The following ARHGEF37 variants were observed in gnomAD, a reference collection of about 807,000 sequenced individuals.
The protein encoded by ARHGEF37 is Rho guanine nucleotide exchange factor 37.
Under a neutral mutation model 71.1 loss-of-function variants are expected in ARHGEF37, and 55 were observed. That is an observed-to-expected ratio of 0.77 (90% confidence interval 0.62 to 0.97). The LOEUF is 0.97. ARHGEF37 is among the 50% of genes least tolerant of loss of function. ARHGEF37 has a pLI of 0.00. For synonymous variants in ARHGEF37, 327 were observed against 350.6 expected (o/e 0.93, Z 0.75); for missense variants, 765 against 836.8 (o/e 0.91, Z 1.06).
At chr5:149,558,106 A>G (rs1762777854) in intron 1 of ARHGEF37, among the ~76,000 whole-genome samples, 1 of 152,140 alleles carries the variant, frequency 6.6e-6, no homozygotes, top group South Asian at 2.1e-4. Flanking sequence ...TCCTGACCTC[A>G]GGTGATCCAC....
rs200382749 is a variant in ARHGEF37 at position 149,624,062 on chromosome 5, C to A, written c.1386C>A (p.Asp462Glu). The A allele has an allele frequency of 6.2e-7, 1 of 1,610,044 alleles. No homozygotes were observed. Among genetic ancestry groups the A allele is most frequent in the South Asian group, 1.1e-5 (1 of 90,916 alleles). ...CTGCCTTCAGGAAGCTGGTGGAGGACGCACTGGGCCGGACGAGTAACCAGC... is the reference window on the plus strand; with the variant it reads ...CTGCCTTCAGGAAGCTGGTGGAGGAAGCACTGGGCCGGACGAGTAACCAGC... ...PEPAFRKLVEDALGRTSNQLR... is the reference protein window; with the variant it reads ...PEPAFRKLVEEALGRTSNQLR... The change falls in exon 10 of 13, where the codon GAC becomes GAA. Residue 462 changes from aspartate (D) to glutamate (E), a missense_variant. Asp to Glu is a conservative substitution (Grantham distance 45). Around this residue, in one of 5 missense-constraint regions of ARHGEF37, gnomAD observed 390 missense variants for 407.4 expected, o/e 0.96. Coordinates refer to ENST00000333677, the MANE Select transcript of ARHGEF37 (RefSeq NM_001001669.3).
At chr5:149,598,086 C>T (rs1763604739) in intron 2 of ARHGEF37, 131 bp downstream of exon 2, 1 of 1,117,606 alleles carries the variant, frequency 8.9e-7, no homozygotes, top group Non-Finnish European at 1.3e-6. Context: ...GTCTGACAGA[C>T]CTGGATGTAA....
chr5:149,562,374 A>C (rs921664614), intron 1 of ARHGEF37, among the ~76,000 whole-genome samples: 7 of 152,202 alleles, frequency 4.6e-5, no homozygotes, highest in African/African-American at 1.7e-4. Flanking sequence ...AACTGCAGCT[A>C]TTGTATCCAT....
intron 1 of ARHGEF37, among the ~76,000 whole-genome samples, chr5:149,590,396 C>T (rs1466242869): frequency 6.6e-6 from 1 of 150,776 alleles, no homozygotes; most frequent in Non-Finnish European, 1.5e-5. Flanking sequence ...ATTCACCTAC[C>T]TCAGCCTCCT....
chr5:149,618,797 C>A, intron 6 of ARHGEF37, 141 bp from the exon 7 acceptor site: 1 of 707,334 alleles, frequency 1.4e-6, no homozygotes, highest in Non-Finnish European at 2.6e-6. Context: ...GCTACACCAC[C>A]CTCTCAGCTT....
intron 4 of ARHGEF37, among the ~76,000 whole-genome samples, chr5:149,613,508 G>A (rs188538713): frequency 1.6e-4 from 25 of 152,012 alleles, no homozygotes; most frequent in Admixed American, 1.1e-3. Context: ...CACCACGCCC[G>A]GCTAATTTTT....
chr5:149,632,121 G>C lies in ARHGEF37; in HGVS notation c.1958G>C (p.Gly653Ala). 3 of 1,614,274 alleles carry C rather than the reference G, an allele frequency of 1.9e-6. No individual in the cohort carries two copies. The highest frequency in any genetic ancestry group is 8.5e-7 in the Non-Finnish European group (1 of 1,180,058). Residue 653 changes from glycine (G) to alanine (A), a missense_variant, in exon 13 of 13, where the codon GGT becomes GCT. Around this residue, in one of 5 missense-constraint regions of ARHGEF37, gnomAD observed 390 missense variants for 407.4 expected, o/e 0.96. Transcript: ENST00000333677. Reference sequence around the variant, plus strand: ...CTGGTGGAAGTGAATGGACAGAGGGGTTATGTGCCTTCTGGCTTCTTGGCC... The same window carrying C: ...CTGGTGGAAGTGAATGGACAGAGGGCTTATGTGCCTTCTGGCTTCTTGGCC... Reference protein sequence around the residue: ...WSLVEVNGQRGYVPSGFLARA... With the variant: ...WSLVEVNGQRAYVPSGFLARA...
Position 149,598,802 on chromosome 5 carries a change from A to G in ARHGEF37, c.186+847A>G, listed in dbSNP as rs1763667087. Among the ~76,000 whole-genome samples the G allele has an allele frequency of 2.8e-5, 4 of 143,110 alleles. No individual in the cohort carries two copies. In the South Asian group the frequency reaches 8.8e-4, roughly 31 times the overall value. 93.9% of individuals were successfully genotyped at this position (143,110 alleles called of 152,430 possible). On this transcript the variant is annotated intron_variant, in intron 2 of 12. Coordinates refer to ENST00000333677, the MANE Select transcript of ARHGEF37 (RefSeq NM_001001669.3). ...GATATATAGATATAGATATATAGATATATATATGTGTGTGTGTGTGTATAT... is the reference window on the plus strand; with the variant it reads ...GATATATAGATATAGATATATAGATGTATATATGTGTGTGTGTGTGTATAT...
At chr5:149,585,554 G>C (rs1349810671) in intron 1 of ARHGEF37, among the ~76,000 whole-genome samples, 1 of 152,204 alleles carries the variant, frequency 6.6e-6, no homozygotes, top group African/African-American at 2.4e-5. Context: ...TTCTTGCTCT[G>C]TTGCCCAGGC....
At chr5:149,622,345 G>A (rs1752572138) in intron 9 of ARHGEF37, among the ~76,000 whole-genome samples, 1 of 152,244 alleles carries the variant, frequency 6.6e-6, no homozygotes, top group African/African-American at 2.4e-5. Context: ...TACAATGGCA[G>A]ATCTTGGGAC....
Position 149,597,905 on chromosome 5 carries a change from T to A in ARHGEF37, c.136T>A (p.Leu46Met). 6.2e-7 allele frequency: 1 copy of A among 1,608,056 alleles called. No individual in the cohort carries two copies. Among genetic ancestry groups the A allele is most frequent in the South Asian group, 1.1e-5 (1 of 89,748 alleles). ...RELIDTEVSY[L>M]HMLQLCASDI... ...GCTCATCGACACTGAGGTCTCCTAC[T>A]TGCACATGCTCCAGCTCTGTGCCTC... The change falls in exon 2 of 13, where the codon TTG becomes ATG. Residue 46 changes from leucine (L) to methionine (M), a missense_variant. By Grantham distance (15) the Leu-to-Met change is conservative (BLOSUM62 2). Coordinates refer to ENST00000333677, the MANE Select transcript of ARHGEF37 (RefSeq NM_001001669.3).
intron 1 of ARHGEF37, among the ~76,000 whole-genome samples, chr5:149,557,143 C>T (rs1762766452): frequency 6.6e-6 from 1 of 152,150 alleles, no homozygotes; most frequent in Non-Finnish European, 1.5e-5. Context: ...CTGACAAATA[C>T]AGTATTTAAG....
At chr5:149,567,089 T>C (rs1050777699) in intron 1 of ARHGEF37, among the ~76,000 whole-genome samples, 2 of 152,230 alleles carry the variant, frequency 1.3e-5, no homozygotes, top group African/African-American at 4.8e-5. Context: ...GATCAAACAT[T>C]GTATTATTTC....
intron 1 of ARHGEF37, among the ~76,000 whole-genome samples, chr5:149,596,869 A>G (rs1763562109): frequency 1.3e-5 from 2 of 152,170 alleles, no homozygotes; most frequent in African/African-American, 4.8e-5. Flanking sequence ...CAGTCTGTGA[A>G]GGGGAAATGA....
In ARHGEF37 at chr5:149,633,918, T is replaced by C. The variant is rs912882637; in HGVS notation, c.*1727T>C. Reference sequence around the variant, plus strand: ...ATTCACTTGAGAGGATGCTCTTGACTCATTCTCTCTGCTCTTTCCTGCTCA... The same window carrying C: ...ATTCACTTGAGAGGATGCTCTTGACCCATTCTCTCTGCTCTTTCCTGCTCA... On this transcript the variant is annotated 3_prime_UTR_variant, in exon 13 of 13. Coordinates refer to ENST00000333677, the MANE Select transcript of ARHGEF37 (RefSeq NM_001001669.3). 1.3e-5 allele frequency: 2 copies of C among 152,236 alleles called. No individual in the cohort carries two copies. The highest frequency in any genetic ancestry group is 2.9e-5 in the Non-Finnish European group (2 of 68,042). The allele number at this position is 152,236 out of a possible 1,614,324, so 9.4% of individuals were successfully genotyped here.
chr5:149,555,800 C>T (rs1280884492), intron 1 of ARHGEF37, among the ~76,000 whole-genome samples: 2 of 151,854 alleles, frequency 1.3e-5, no homozygotes, highest in East Asian at 1.9e-4. Context: ...CTTCTGTGTT[C>T]GTAGGGAATT....
intron 1 of ARHGEF37, among the ~76,000 whole-genome samples, chr5:149,597,309 G>T (rs1332203813): frequency 1.3e-5 from 2 of 152,110 alleles, no homozygotes; most frequent in African/African-American, 2.4e-5. Flanking sequence ...CCAGGCTGGA[G>T]TGCAGTGGTG....
At chr5:149,604,965 G>A (rs1763876639) in intron 3 of ARHGEF37, among the ~76,000 whole-genome samples, 2 of 151,868 alleles carry the variant, frequency 1.3e-5, no homozygotes, top group East Asian at 2.0e-4. Context: ...GGTGGCTCAC[G>A]CCTGTAATCC....
In ARHGEF37 at chr5:149,633,476, G is replaced by A. The variant is rs943791740; in HGVS notation, c.*1285G>A. On this transcript the variant is annotated 3_prime_UTR_variant, in exon 13 of 13. Coordinates refer to ENST00000333677, the MANE Select transcript of ARHGEF37 (RefSeq NM_001001669.3). ...ACCCCATTCTAGAACCTGGAAATTG[G>A]AGCCCCTCAAAAACAGTTCCTGTTC... is the stretch of plus-strand genomic sequence containing the variant. 1 of 152,400 alleles carries A rather than the reference G, an allele frequency of 6.6e-6. No individual in the cohort carries two copies. The highest frequency in any genetic ancestry group is 1.9e-4 in the East Asian group (1 of 5,180). 9.4% of individuals were successfully genotyped at this position (152,400 alleles called of 1,614,324 possible).
Sources: allele counts gnomAD v4.1 joint callset (sites outside exome capture counted in the v4.1 genomes callset), GRCh38; gene constraint gnomAD v4.1.1; regional missense constraint gnomAD v4.1.1; transcripts MANE v1.5; gene names NCBI Gene and HGNC (gene_info 2026-07-23, HGNC 2026-07-21).